The following GRM7 variants were observed in gnomAD, a reference collection of about 807,000 sequenced individuals.
The protein encoded by GRM7 is glutamate metabotropic receptor 7.
Under a neutral mutation model 84.5 loss-of-function variants are expected in GRM7, and 35 were observed. The ratio of observed to expected loss-of-function variants is 0.41; its 90% confidence interval spans 0.32 to 0.55. The LOEUF (loss-of-function observed/expected upper bound fraction) is 0.55, where lower values mean the gene tolerates loss of function less well. GRM7 is among the 20% of genes least tolerant of loss of function. The probability of loss-of-function intolerance (pLI) is 0.19; values close to 1 mark genes in which losing one functional copy is unlikely to be tolerated. For missense variants in GRM7, 1,003 were observed against 1,194.6 expected (o/e 0.84, Z 2.36); for synonymous variants, 487 against 455.1 (o/e 1.07, Z -0.89).
chr3:7,133,564 A>G (rs1055635957), intron 1 of GRM7, among the ~76,000 whole-genome samples: 8 of 152,238 alleles, frequency 5.3e-5, no homozygotes, highest in Non-Finnish European at 7.3e-5. Context: ...CAGAGATTTG[A>G]CATTTATATT....
chr3:7,270,461 T>C (rs1443751987), intron 2 of GRM7, among the ~76,000 whole-genome samples: 1 of 152,018 alleles, frequency 6.6e-6, no homozygotes, highest in East Asian at 2.0e-4. Context: ...CATCTGAAAA[T>C]GTATAGTTTT....
At chr3:6,866,755 T>C (rs754964645) in intron 1 of GRM7, among the ~76,000 whole-genome samples, 12 of 152,202 alleles carry the variant, frequency 7.9e-5, no homozygotes, top group Non-Finnish European at 1.3e-4. Context: ...CTCCCAAAAC[T>C]GAGAAATGAT....
intron 2 of GRM7, among the ~76,000 whole-genome samples, chr3:7,284,870 T>C (rs1349118085): frequency 1.3e-5 from 2 of 152,228 alleles, no homozygotes; most frequent in African/African-American, 4.8e-5. Context: ...TGGAGTTCTC[T>C]GAGTTCACTT....
intron 1 of GRM7, among the ~76,000 whole-genome samples, chr3:7,096,428 G>T (rs1698862787): frequency 6.6e-6 from 1 of 152,108 alleles, no homozygotes; most frequent in African/African-American, 2.4e-5. Context: ...TCAAGAAAGT[G>T]CTATCCTTAT....
At chr3:6,903,969 G>A (rs991488202) in intron 1 of GRM7, among the ~76,000 whole-genome samples, 2 of 152,078 alleles carry the variant, frequency 1.3e-5, no homozygotes. Flanking sequence ...TAAATGTTAT[G>A]TGTTTTCATT....
At chr3:7,556,279 A>G (rs969558644) in intron 7 of GRM7, among the ~76,000 whole-genome samples, 1 of 152,072 alleles carries the variant, frequency 6.6e-6, no homozygotes, top group African/African-American at 2.4e-5. Flanking sequence ...TCTACCTCCT[A>G]ATAACATCAT....
intron 2 of GRM7, among the ~76,000 whole-genome samples, chr3:7,288,845 T>C (rs1699520884): frequency 6.6e-6 from 1 of 152,144 alleles, no homozygotes; most frequent in African/African-American, 2.4e-5. Context: ...ACCACTGTCT[T>C]AGAAGTGTAA....
chr3:6,883,156 T>C (rs1172077708), intron 1 of GRM7, among the ~76,000 whole-genome samples: 1 of 152,206 alleles, frequency 6.6e-6, no homozygotes, highest in African/African-American at 2.4e-5. Context: ...CTTTGGTTAA[T>C]AATTGTGAGA....
intron 3 of GRM7, among the ~76,000 whole-genome samples, chr3:7,301,142 A>G (rs1347625748): frequency 2.7e-5 from 4 of 145,832 alleles, no homozygotes; most frequent in Admixed American, 2.1e-4. Flanking sequence ...TTACTTCTCC[A>G]TCATGGTCTT....
At chr3:6,916,482 A>G (rs1201495569) in intron 1 of GRM7, among the ~76,000 whole-genome samples, 1 of 152,160 alleles carries the variant, frequency 6.6e-6, no homozygotes, top group Non-Finnish European at 1.5e-5. Context: ...TGACTAAGTA[A>G]TTTATAAACA....
In GRM7 at chr3:7,686,422, G is replaced by C. The variant is rs148401480; in HGVS notation, c.2698+6127G>C. ...TACTTGGTACACTATCCCACCAACA[G>C]TATAGCTTTTGACTGCTTTCCCAAA... On this transcript the variant is annotated intron_variant, in intron 9 of 9. Transcript: ENST00000357716. 4.6e-6 allele frequency: 7 copies of C among 1,536,358 alleles called. No homozygotes were observed. The East Asian group carries it at 1.6e-4, about 35-fold the overall frequency.
chr3:7,378,756 C>T (rs1694462568), intron 4 of GRM7, among the ~76,000 whole-genome samples: 1 of 151,996 alleles, frequency 6.6e-6, no homozygotes, highest in Non-Finnish European at 1.5e-5. Context: ...TATGAAGACC[C>T]CCATGTCTAC....
At chr3:7,046,042 A>G (rs1331783767) in intron 1 of GRM7, among the ~76,000 whole-genome samples, 1 of 152,032 alleles carries the variant, frequency 6.6e-6, no homozygotes, top group Non-Finnish European at 1.5e-5. Context: ...GCCAGCACTT[A>G]CCTTTTGTTG....
rs980353867 is a variant in GRM7, at chr3:7,509,331, T to G, written c.1515+47609T>G. Among the ~76,000 whole-genome samples, 4 of 152,306 alleles carry G rather than the reference T, an allele frequency of 2.6e-5. No homozygotes were observed. The East Asian group carries it at 7.7e-4, about 29-fold the overall frequency. ...TAATCTCTGCACCTAATTTATAAATTAAACTTCATCTTAGGTATTCACATA... is the reference window on the plus strand; with the variant it reads ...TAATCTCTGCACCTAATTTATAAATGAAACTTCATCTTAGGTATTCACATA... On this transcript the variant is annotated intron_variant, in intron 7 of 9. Coordinates refer to ENST00000357716, the MANE Select transcript of GRM7 (RefSeq NM_000844.4).
intron 8 of GRM7, among the ~76,000 whole-genome samples, chr3:7,648,235 A>G (rs999202492): frequency 1.4e-5 from 2 of 147,158 alleles, no homozygotes; most frequent in African/African-American, 5.2e-5. Flanking sequence ...TATTTTAATT[A>G]GTGCTATAAA....
At chr3:7,594,097 G>A (rs73809449) in intron 8 of GRM7, among the ~76,000 whole-genome samples, 7,969 of 152,166 alleles carry the variant, frequency 0.052, 591 homozygotes, top group African/African-American at 0.16. Context: ...TCCTAAGGCT[G>A]CTGACCCCAA....
intron 9 of GRM7, among the ~76,000 whole-genome samples, chr3:7,719,779 A>AACACACAC (rs71043692): frequency 0.057 from 7,564 of 133,396 alleles, 342 homozygotes; most frequent in Non-Finnish European, 0.082. Flanking sequence ...ACCACTGGGC[A>AACACACAC]ACACACACAC....
At chr3:7,500,398 CTAAGCTGTAGCTTTCT>C in intron 7 of GRM7, among the ~76,000 whole-genome samples, 1 of 152,298 alleles carries the variant, frequency 6.6e-6, no homozygotes, top group South Asian at 2.1e-4. Flanking sequence ...ATGCATTGCC[CTAAGCTGTAGCTTTCT>C]TTACTTGGAA....
At chr3:7,587,155 C>G (rs145549648) in intron 8 of GRM7, among the ~76,000 whole-genome samples, 59 of 152,180 alleles carry the variant, frequency 3.9e-4, no homozygotes, top group African/African-American at 1.2e-3. Context: ...TCCATAAACC[C>G]ATTACGAATT....
Sources: allele counts gnomAD v4.1 joint callset (sites outside exome capture counted in the v4.1 genomes callset), GRCh38; gene constraint gnomAD v4.1.1; transcripts MANE v1.5; gene names NCBI Gene and HGNC (gene_info 2026-07-23, HGNC 2026-07-21).